Variants in CALN1 observed in about 807,000 individuals in gnomAD.
The protein encoded by CALN1 is calcium-binding protein 8.
Under a neutral mutation model 30.6 loss-of-function variants are expected in CALN1, and 17 were observed. The ratio of observed to expected loss-of-function variants is 0.56; its 90% CI spans 0.38 to 0.83. The LOEUF is 0.83. CALN1 is among the 40% of genes least tolerant of loss of function. CALN1 has a pLI of 0.00. For synonymous variants in CALN1, 156 were observed against 131.4 expected, an observed-to-expected ratio of 1.19 and a Z score of -1.28; for missense variants, 291 against 354.9, an observed-to-expected ratio of 0.82 and a Z score of 1.45.
intron 3 of CALN1, among the ~76,000 whole-genome samples, chr7:72,220,948 T>C (rs963928879): frequency 2.6e-5 from 4 of 152,166 alleles, no homozygotes; most frequent in Non-Finnish European, 5.9e-5. Context: ...TATTAGCCCT[T>C]TGTCAGATGA....
intron 5 of CALN1, among the ~76,000 whole-genome samples, chr7:71,845,705 C>T (rs1790190492): frequency 1.3e-5 from 2 of 152,152 alleles, no homozygotes; most frequent in Admixed American, 6.6e-5. Context: ...ACCCAGAATT[C>T]AGCTGATTCT....
At chr7:72,318,050 C>T (rs1313075301) in intron 2 of CALN1, among the ~76,000 whole-genome samples, 1 of 152,102 alleles carries the variant, frequency 6.6e-6, no homozygotes, top group Non-Finnish European at 1.5e-5. Context: ...TCACAGGGAC[C>T]CTTTTTCTCT....
intron 3 of CALN1, among the ~76,000 whole-genome samples, chr7:72,109,662 A>C (rs1408998171): frequency 6.6e-6 from 1 of 152,194 alleles, no homozygotes; most frequent in Admixed American, 6.5e-5. Context: ...GCCACTACTC[A>C]GCTTGAGGTC....
At chr7:72,377,792 G>T (rs1045009285) in intron 2 of CALN1, among the ~76,000 whole-genome samples, 1 of 152,052 alleles carries the variant, frequency 6.6e-6, no homozygotes, top group Non-Finnish European at 1.5e-5. Flanking sequence ...ACTCAGTCAA[G>T]AAGTTGACAA....
intron 5 of CALN1, among the ~76,000 whole-genome samples, chr7:71,866,316 C>T (rs1791584969): frequency 6.6e-6 from 1 of 151,728 alleles, no homozygotes. Flanking sequence ...CAATACCAGG[C>T]CAGTTTTATA....
At chr7:72,084,595 A>G (rs567776666) in intron 4 of CALN1, among the ~76,000 whole-genome samples, 1 of 152,088 alleles carries the variant, frequency 6.6e-6, no homozygotes, top group African/African-American at 2.4e-5. Flanking sequence ...TTCTGACCTC[A>G]TGTGATCCAC....
chr7:72,444,170 C>T (rs979506193), intron 1 of CALN1, among the ~76,000 whole-genome samples: 5 of 151,716 alleles, frequency 3.3e-5, no homozygotes, highest in East Asian at 3.9e-4. Context: ...CCATTCAGAG[C>T]GGTTATCCCG....
At chr7:72,318,753 T>TG (rs1260406213) in intron 2 of CALN1, among the ~76,000 whole-genome samples, 25 of 142,340 alleles carry the variant, frequency 1.8e-4, no homozygotes, top group Non-Finnish European at 3.3e-4. Flanking sequence ...GGTCTCGCTA[T>TG]GTTGCCCAGA....
chr7:72,084,381 G>C (rs1369215682), intron 4 of CALN1, among the ~76,000 whole-genome samples: 1 of 131,696 alleles, frequency 7.6e-6, no homozygotes, highest in Non-Finnish European at 1.6e-5. Context: ...AGAAAATGTA[G>C]TAAAATTTTT....
chr7:71,813,336 A>G (rs1788073025), intron 5 of CALN1, among the ~76,000 whole-genome samples: 1 of 152,154 alleles, frequency 6.6e-6, no homozygotes, highest in Non-Finnish European at 1.5e-5. Context: ...CTGCACCAAG[A>G]GCAATTGTTT....
intron 2 of CALN1, among the ~76,000 whole-genome samples, chr7:72,387,135 TATAAA>T (rs1309578108): frequency 7.3e-6 from 1 of 137,126 alleles, no homozygotes; most frequent in Non-Finnish European, 1.6e-5. Context: ...TAACCCAAAG[TATAAA>T]ATAAGTATCC....
chr7:72,201,700 T>G (rs964201005), intron 3 of CALN1, among the ~76,000 whole-genome samples: 4 of 146,074 alleles, frequency 2.7e-5, no homozygotes, highest in African/African-American at 1.0e-4. Context: ...AATACATCCA[T>G]GTAACAAACA....
At chr7:72,242,327 C>A (rs1198809671) in intron 3 of CALN1, among the ~76,000 whole-genome samples, 1 of 152,130 alleles carries the variant, frequency 6.6e-6, no homozygotes, top group Non-Finnish European at 1.5e-5. Context: ...CTGTTTGAGT[C>A]CCTGCTTTCC....
chr7:72,233,503 A>T (rs993080843), intron 3 of CALN1, among the ~76,000 whole-genome samples: 1 of 152,040 alleles, frequency 6.6e-6, no homozygotes, highest in Non-Finnish European at 1.5e-5. Flanking sequence ...ATCACTTGAG[A>T]CCAGGAGTTT....
At chr7:71,804,617 G>A (rs993980847) in intron 6 of CALN1, among the ~76,000 whole-genome samples, 8 of 152,062 alleles carry the variant, frequency 5.3e-5, no homozygotes, top group Non-Finnish European at 1.0e-4. Flanking sequence ...TCAGGAGTTC[G>A]AGATCAGCCT....
chr7:72,033,636 G>C (rs1358168212), intron 4 of CALN1, among the ~76,000 whole-genome samples: 1 of 152,100 alleles, frequency 6.6e-6, no homozygotes. Flanking sequence ...GCAATGGTGA[G>C]GATGCCAGGA....
At chr7:71,987,747 C>A (rs1798749009) in intron 5 of CALN1, among the ~76,000 whole-genome samples, 1 of 152,224 alleles carries the variant, frequency 6.6e-6, no homozygotes. Flanking sequence ...CAGTCTCTTG[C>A]CTGCAGGCAG....
At chr7:71,862,913 A>T (rs1791373868) in intron 5 of CALN1, among the ~76,000 whole-genome samples, 1 of 152,220 alleles carries the variant, frequency 6.6e-6, no homozygotes, top group African/African-American at 2.4e-5. Flanking sequence ...ATGACAAGAT[A>T]ATCCAAGTTA....
At chr7:72,186,019 C>G (rs1790160480) in intron 3 of CALN1, among the ~76,000 whole-genome samples, 1 of 151,958 alleles carries the variant, frequency 6.6e-6, no homozygotes, top group Non-Finnish European at 1.5e-5. Context: ...AATGTCATTA[C>G]AAGAGTCCCT....
Sources: gnomAD v4.1 joint callset for allele counts (sites outside exome capture counted in the v4.1 genomes callset) on GRCh38, gnomAD v4.1.1 for gene constraint, MANE v1.5 for transcripts, NCBI Gene and HGNC (gene_info 2026-07-23, HGNC 2026-07-21) for gene names.